The following SCHIP1 variants were observed in gnomAD, a reference collection of about 807,000 sequenced individuals.
SCHIP1 encodes the protein schwannomin-interacting protein 1.
SCHIP1 carries 8 observed loss-of-function variants against 29.7 expected under a neutral mutation model. The ratio of observed to expected loss-of-function variants is 0.27; its 90% CI spans 0.16 to 0.49. The LOEUF is 0.49. SCHIP1 is among the 20% of genes least tolerant of loss of function. The probability of loss-of-function intolerance (pLI) is 0.99; values close to 1 mark genes in which losing one functional copy is unlikely to be tolerated. For synonymous variants in SCHIP1, 76 were observed against 94.9 expected (o/e 0.80, Z 1.16); for missense variants, 193 against 294.6 (o/e 0.66, Z 2.52).
chr3:159,568,091 A>G, the SCHIP1 span, among the ~76,000 whole-genome samples: 2 of 151,966 alleles, frequency 1.3e-5, no homozygotes, highest in East Asian at 3.9e-4. Flanking sequence ...TTATATTTTT[A>G]TAGATTGTCA....
At chr3:159,833,397 T>C in the SCHIP1 span, among the ~76,000 whole-genome samples, 1 of 152,170 alleles carries the variant, frequency 6.6e-6, no homozygotes. Flanking sequence ...CATACTGCCG[T>C]CTCTGGTTCT....
the SCHIP1 span, among the ~76,000 whole-genome samples, chr3:159,742,044 A>G: frequency 5.3e-5 from 8 of 152,296 alleles, no homozygotes; most frequent in East Asian, 1.4e-3. Context: ...AGCTTGGCCA[A>G]CATGGTGAAA....
the SCHIP1 span, among the ~76,000 whole-genome samples, chr3:159,705,596 A>AAG: frequency 1.3e-5 from 2 of 152,136 alleles, no homozygotes; most frequent in East Asian, 3.9e-4. Flanking sequence ...TCACTCCACT[A>AAG]AGAGGTTTGG....
the SCHIP1 span, among the ~76,000 whole-genome samples, chr3:159,385,347 C>A: frequency 6.6e-6 from 1 of 152,090 alleles, no homozygotes; most frequent in African/African-American, 2.4e-5. Context: ...CAGTTGAGGC[C>A]AGGAGTTCGA....
At chr3:159,710,200 A>G in the SCHIP1 span, among the ~76,000 whole-genome samples, 2 of 152,204 alleles carry the variant, frequency 1.3e-5, no homozygotes, top group African/African-American at 4.8e-5. Context: ...GTGACCATCC[A>G]CAGATGAATT....
chr3:159,290,977 T>A, the SCHIP1 span, among the ~76,000 whole-genome samples: 1 of 152,100 alleles, frequency 6.6e-6, no homozygotes, highest in Admixed American at 6.5e-5. Flanking sequence ...TCTTAGTTCT[T>A]TTCCATGAAA....
chr3:159,429,908 T>C, the SCHIP1 span, among the ~76,000 whole-genome samples: 1 of 152,188 alleles, frequency 6.6e-6, no homozygotes, highest in African/African-American at 2.4e-5. Flanking sequence ...CAGTGGTTGC[T>C]CATGAATATC....
At chr3:159,840,128 C>T in exon 1 of SCHIP1, 3 of 1,533,012 alleles carry the variant, frequency 2.0e-6, no homozygotes, top group Non-Finnish European at 2.6e-6. Flanking sequence ...CGCGCCTGCC[C>T]TCCGCAGCCT....
At chr3:159,392,675 G>C in the SCHIP1 span, among the ~76,000 whole-genome samples, 1 of 151,824 alleles carries the variant, frequency 6.6e-6, no homozygotes, top group Admixed American at 6.6e-5. Flanking sequence ...GTATTCCATG[G>C]TGTATATGTG....
chr3:159,695,973 C>G, the SCHIP1 span, among the ~76,000 whole-genome samples: 1 of 152,096 alleles, frequency 6.6e-6, no homozygotes, highest in African/African-American at 2.4e-5. Flanking sequence ...ATTGCCCTAC[C>G]GCACCCCCCA....
At chr3:159,413,234 T>G in the SCHIP1 span, among the ~76,000 whole-genome samples, 41 of 152,236 alleles carry the variant, frequency 2.7e-4, no homozygotes, top group African/African-American at 9.6e-4. Flanking sequence ...GATATTTGAG[T>G]GGGGACATAG....
the SCHIP1 span, among the ~76,000 whole-genome samples, chr3:159,509,101 C>T: frequency 6.6e-6 from 1 of 152,182 alleles, no homozygotes; most frequent in Admixed American, 6.5e-5. Flanking sequence ...GTGTGGGAGT[C>T]TAAGTCTCTT....
chr3:159,592,875 C>T, the SCHIP1 span, among the ~76,000 whole-genome samples: 1 of 152,084 alleles, frequency 6.6e-6, no homozygotes, highest in Non-Finnish European at 1.5e-5. Context: ...TCTCTACTGG[C>T]CCCTCTGCTC....
At chr3:159,385,067 G>T in the SCHIP1 span, among the ~76,000 whole-genome samples, 2 of 151,968 alleles carry the variant, frequency 1.3e-5, no homozygotes, top group Non-Finnish European at 2.9e-5. Flanking sequence ...AACCAGCTCA[G>T]GAGCCGGGAA....
chr3:159,741,429 T>A, the SCHIP1 span, among the ~76,000 whole-genome samples: 1 of 152,238 alleles, frequency 6.6e-6, no homozygotes, highest in Non-Finnish European at 1.5e-5. Flanking sequence ...GAGTTTTACC[T>A]AGCTTTTATG....
the SCHIP1 span, among the ~76,000 whole-genome samples, chr3:159,404,997 T>C: frequency 6.6e-6 from 1 of 152,180 alleles, no homozygotes; most frequent in African/African-American, 2.4e-5. Context: ...CTCTGCTTGG[T>C]AATGCAGATG....
chr3:159,485,614 A>G, the SCHIP1 span, among the ~76,000 whole-genome samples: 38 of 152,328 alleles, frequency 2.5e-4, no homozygotes, highest in African/African-American at 9.1e-4. Context: ...TTGAAAGAGC[A>G]TGGACTTTGG....
the SCHIP1 span, among the ~76,000 whole-genome samples, chr3:159,700,942 G>A: frequency 6.6e-6 from 1 of 152,114 alleles, no homozygotes; most frequent in Non-Finnish European, 1.5e-5. Flanking sequence ...GTGTGGTATG[G>A]TAATCAGAAA....
At chr3:159,764,971 G>A in the SCHIP1 span, 1 of 1,492,154 alleles carries the variant, frequency 6.7e-7, no homozygotes, top group South Asian at 1.3e-5. The surrounding 1 kb of genome is among the most constrained non-coding windows in gnomAD (Gnocchi z 6.1). Context: ...CCGCGGCCCG[G>A]CGGCTGGGGG....
Sources: allele counts gnomAD v4.1 joint callset (sites outside exome capture counted in the v4.1 genomes callset), GRCh38; gene constraint gnomAD v4.1.1; non-coding constraint Gnocchi (gnomAD v3.1); transcripts MANE v1.5; gene names NCBI Gene and HGNC (gene_info 2026-07-23, HGNC 2026-07-21).